Variants in CACNA1A observed in about 807,000 individuals in gnomAD.
CACNA1A encodes voltage-dependent P/Q-type calcium channel subunit alpha-1A.
A neutral mutation model predicts 262.4 loss-of-function variants in CACNA1A; 57 were observed. That is an observed-to-expected ratio of 0.22 (90% CI 0.18 to 0.27). The LOEUF is 0.27. Among genes scored for constraint, CACNA1A ranks in the 10% least tolerant of loss-of-function variants. The pLI is 1.00. For synonymous variants in CACNA1A, 1,431 were observed against 1,419.3 expected (o/e 1.01, Z -0.18); for missense variants, 2,526 against 3,562.8 (o/e 0.71, Z 7.41).
chr19:13,402,861 C>CATATATATAT, intron 3 of CACNA1A, among the ~76,000 whole-genome samples: 1 of 64,724 alleles, frequency 1.5e-5, no homozygotes, highest in East Asian at 5.7e-4. Flanking sequence ...TATATATACA[C>CATATATATAT]ACACACACAC....
chr19:13,265,891 G>C (rs528889144), intron 24 of CACNA1A, among the ~76,000 whole-genome samples: 2 of 151,114 alleles, frequency 1.3e-5, no homozygotes, highest in East Asian at 3.9e-4. Context: ...TGTTACCCAG[G>C]CTGGAGTGAA....
chr19:13,469,400 A>G (rs2145025858), intron 1 of CACNA1A, among the ~76,000 whole-genome samples: 1 of 150,632 alleles, frequency 6.6e-6, no homozygotes, highest in Non-Finnish European at 1.5e-5. Flanking sequence ...ATGCATGCTC[A>G]GAAGCTACAC....
chr19:13,447,602 G>A (rs2060839723), intron 3 of CACNA1A, among the ~76,000 whole-genome samples: 1 of 152,240 alleles, frequency 6.6e-6, no homozygotes, highest in African/African-American at 2.4e-5. Flanking sequence ...AGGATGAAGA[G>A]CAAGGAAGCC....
intron 3 of CACNA1A, among the ~76,000 whole-genome samples, chr19:13,387,243 A>G (rs951794694): frequency 6.6e-6 from 1 of 152,206 alleles, no homozygotes; most frequent in Admixed American, 6.5e-5. Context: ...GGCATGAGCC[A>G]CTGCGCCCGG....
At chr19:13,319,000 C>A (rs2058191566) in intron 10 of CACNA1A, among the ~76,000 whole-genome samples, 2 of 150,590 alleles carry the variant, frequency 1.3e-5, no homozygotes, top group Non-Finnish European at 2.9e-5. Context: ...GCGATCCTCC[C>A]ACCTCAGCCT....
chr19:13,249,994 AC>A (rs1340577870), intron 30 of CACNA1A, among the ~76,000 whole-genome samples: 6 of 152,042 alleles, frequency 3.9e-5, no homozygotes, highest in Non-Finnish European at 8.8e-5. Flanking sequence ...TTGGCCACTC[AC>A]TGGGGACCTT....
intron 35 of CACNA1A, among the ~76,000 whole-genome samples, chr19:13,231,000 TTG>T (rs1167460940): frequency 1.4e-5 from 2 of 147,408 alleles, no homozygotes; most frequent in Non-Finnish European, 3.0e-5. Flanking sequence ...TTTTTTTTTT[TTG>T]TTTGTTTTTG....
intron 3 of CACNA1A, among the ~76,000 whole-genome samples, chr19:13,417,586 G>C (rs1409072816): frequency 1.3e-5 from 2 of 152,094 alleles, no homozygotes; most frequent in Non-Finnish European, 2.9e-5. Flanking sequence ...TCAGCACAAG[G>C]AGTTAAAAGA....
chr19:13,375,286 G>T (rs2059386001), intron 3 of CACNA1A, among the ~76,000 whole-genome samples: 1 of 152,092 alleles, frequency 6.6e-6, no homozygotes, highest in Non-Finnish European at 1.5e-5. Flanking sequence ...TATTGTGTGT[G>T]TTCTGACTGC....
intron 36 of CACNA1A, chr19:13,229,064 G>A (rs1008913564): frequency 4.7e-5 from 4 of 84,630 alleles, no homozygotes; most frequent in South Asian, 2.3e-4. Context: ...TACAGGGGTG[G>A]GGGGGGGCTT....
At chr19:13,416,532 T>C (rs1293062186) in intron 3 of CACNA1A, among the ~76,000 whole-genome samples, 1 of 151,998 alleles carries the variant, frequency 6.6e-6, no homozygotes, top group East Asian at 1.9e-4. Context: ...ACTACAAAAA[T>C]CGGCCGGGCG....
In CACNA1A at chr19:13,334,371, G is replaced by A; in HGVS notation, c.1198+7C>T. The A allele has an allele frequency of 7.1e-7, 1 of 1,407,380 alleles. No individual in the cohort carries two copies. The highest frequency in any genetic ancestry group is 1.1e-5 in the South Asian group (1 of 86,968). The allele number at this position is 1,407,380 out of a possible 1,614,324, so 87.2% of individuals were successfully genotyped here. The stretch of plus-strand genomic sequence containing the variant: ...CATCCCTGGGCCCCAGGATGAAAGG[G>A]CCTCACCTGCTTTTGAGATCCACTC... On this transcript the variant is annotated splice_region_variant and intron_variant, in intron 8 of 46. Transcript: ENST00000360228.
chr19:13,428,547 C>A (rs899822150), intron 3 of CACNA1A, among the ~76,000 whole-genome samples: 10 of 152,150 alleles, frequency 6.6e-5, no homozygotes, highest in Non-Finnish European at 1.5e-4. Flanking sequence ...CTGGAGCAGG[C>A]CCCCTAGTGG....
chr19:13,259,538 G>A, intron 27 of CACNA1A, 26 bp downstream of exon 27: 1 of 1,587,062 alleles, frequency 6.3e-7, no homozygotes, highest in Non-Finnish European at 8.6e-7. Flanking sequence ...GCTCCTCCTG[G>A]ATAGATTTCC....
intron 3 of CACNA1A, among the ~76,000 whole-genome samples, chr19:13,449,594 A>G (rs2060879331): frequency 6.6e-6 from 1 of 152,226 alleles, no homozygotes. Flanking sequence ...TACAGGTGTG[A>G]GCCACCATTC....
At chr19:13,385,601 C>T (rs1279151186) in intron 3 of CACNA1A, among the ~76,000 whole-genome samples, 2 of 152,146 alleles carry the variant, frequency 1.3e-5, no homozygotes, top group African/African-American at 4.8e-5. Flanking sequence ...TCATGAGATC[C>T]TACTGCCTTG....
chr19:13,338,656 T>C (rs1277072715), intron 6 of CACNA1A, among the ~76,000 whole-genome samples: 1 of 152,108 alleles, frequency 6.6e-6, no homozygotes, highest in East Asian at 1.9e-4. Context: ...CAGGCTAAAC[T>C]GGTGAATGAT....
intron 44 of CACNA1A, 43 bp downstream of exon 44, chr19:13,210,574 G>A: frequency 6.5e-7 from 1 of 1,532,874 alleles, no homozygotes; most frequent in African/African-American, 1.4e-5. Context: ...GGAGGAAGAG[G>A]GGGCCGGAGC....
intron 37 of CACNA1A, 189 bp from the exon 38 acceptor site, chr19:13,224,961 A>G: frequency 1.8e-6 from 1 of 550,768 alleles, no homozygotes; most frequent in Non-Finnish European, 3.3e-6. Flanking sequence ...AGGGCACAAA[A>G]GGCTCTCTTG....
Sources: gnomAD v4.1 joint callset for allele counts (sites outside exome capture counted in the v4.1 genomes callset) on GRCh38, gnomAD v4.1.1 for gene constraint, MANE v1.5 for transcripts, NCBI Gene and HGNC (gene_info 2026-07-23, HGNC 2026-07-21) for gene names.